CIMAP3: variants seen among roughly 807,000 people sequenced by gnomAD.
CIMAP3 encodes ciliary microtubule associated protein 3.
the CIMAP3 span, chr1:111,346,816 C>G: frequency 6.3e-7 from 1 of 1,577,806 alleles, no homozygotes; most frequent in Admixed American, 1.7e-5. Flanking sequence ...TGGGCCCTGT[C>G]CTCTGCTCAG....
At chr1:111,335,573 A>C in the CIMAP3 span, among the ~76,000 whole-genome samples, 2 of 152,236 alleles carry the variant, frequency 1.3e-5, no homozygotes, top group Non-Finnish European at 2.9e-5. Flanking sequence ...AGAGGGTCCT[A>C]CGCCCACGGA....
At chr1:111,347,899 T>TA in the CIMAP3 span, 19 of 666,062 alleles carry the variant, frequency 2.9e-5, no homozygotes, top group Non-Finnish European at 4.4e-5. Context: ...AGTAGGCATT[T>TA]AAGCAAAAGC....
chr1:111,350,231 G>A, the CIMAP3 span: 1 of 1,581,618 alleles, frequency 6.3e-7, no homozygotes, highest in Non-Finnish European at 8.7e-7. Flanking sequence ...GAGGTAATAA[G>A]ATTGGAACTT....
At chr1:111,334,155 T>C in the CIMAP3 span, among the ~76,000 whole-genome samples, 415 of 152,314 alleles carry the variant, frequency 2.7e-3, 2 homozygotes, top group Middle Eastern at 0.01. Flanking sequence ...GTAAACTGGT[T>C]TGCTTCAGAC....
At chr1:111,348,638 C>G in the CIMAP3 span, 7 of 1,596,392 alleles carry the variant, frequency 4.4e-6, no homozygotes, top group African/African-American at 1.3e-5. Flanking sequence ...AGGACACTTA[C>G]TATCCCAGGT....
the CIMAP3 span, among the ~76,000 whole-genome samples, chr1:111,326,122 A>G: frequency 1.5e-4 from 23 of 152,168 alleles, no homozygotes; most frequent in Admixed American, 5.2e-4. Flanking sequence ...GGTGTCCAGT[A>G]CTTTGAGTAT....
chr1:111,351,296 G>A, the CIMAP3 span: 13 of 1,590,468 alleles, frequency 8.2e-6, no homozygotes, highest in Admixed American at 5.6e-5. Flanking sequence ...CATCGGAACC[G>A]TGTGGCCTAC....
At chr1:111,347,827 G>A in the CIMAP3 span, 8 of 1,306,146 alleles carry the variant, frequency 6.1e-6, no homozygotes, top group African/African-American at 1.5e-5. Flanking sequence ...TTGCACAGGA[G>A]TGCAAAGGGC....
At chr1:111,351,467 T>C in the CIMAP3 span, 1 of 632,540 alleles carries the variant, frequency 1.6e-6, no homozygotes, top group Non-Finnish European at 2.6e-6. Context: ...GGCTTATAGC[T>C]GCTGTATGAG....
chr1:111,342,369 C>A, the CIMAP3 span, among the ~76,000 whole-genome samples: 1 of 152,222 alleles, frequency 6.6e-6, no homozygotes, highest in Admixed American at 6.5e-5. Context: ...AACTTTCAGG[C>A]CTTGCCTTCC....
chr1:111,334,614 A>G, the CIMAP3 span, among the ~76,000 whole-genome samples: 1 of 152,220 alleles, frequency 6.6e-6, no homozygotes, highest in Non-Finnish European at 1.5e-5. Flanking sequence ...TCAAAATAGC[A>G]GTTTTAAGGG....
At chr1:111,333,517 G>C in the CIMAP3 span, among the ~76,000 whole-genome samples, 1 of 152,150 alleles carries the variant, frequency 6.6e-6, no homozygotes, top group African/African-American at 2.4e-5. Flanking sequence ...CTCCAAACTG[G>C]GCTCAGGGCT....
chr1:111,346,531 A>G, the CIMAP3 span: 14 of 1,519,980 alleles, frequency 9.2e-6, no homozygotes, highest in South Asian at 8.6e-5. Flanking sequence ...GGACGCCCCA[A>G]CTTGCCGCGC....
chr1:111,326,923 A>G, the CIMAP3 span, among the ~76,000 whole-genome samples: 1 of 151,892 alleles, frequency 6.6e-6, no homozygotes, highest in Non-Finnish European at 1.5e-5. Flanking sequence ...CTTTTGTCCA[A>G]TTTTTAGTGA....
At chr1:111,334,997 G>A in the CIMAP3 span, among the ~76,000 whole-genome samples, 1 of 151,712 alleles carries the variant, frequency 6.6e-6, no homozygotes, top group South Asian at 2.1e-4. Context: ...GCGTGGTGGT[G>A]CACACCTGTA....
the CIMAP3 span, among the ~76,000 whole-genome samples, chr1:111,339,017 G>A: frequency 1.3e-5 from 2 of 152,236 alleles, no homozygotes; most frequent in African/African-American, 4.8e-5. Flanking sequence ...TGATCAAGTG[G>A]GCATCATCCC....
chr1:111,346,763 C>A, the CIMAP3 span: 1 of 1,551,544 alleles, frequency 6.4e-7, no homozygotes, highest in Non-Finnish European at 8.9e-7. Flanking sequence ...AAGTGCAGTT[C>A]GCCCCCCTCC....
chr1:111,339,135 C>A, the CIMAP3 span, among the ~76,000 whole-genome samples: 2 of 151,778 alleles, frequency 1.3e-5, no homozygotes, highest in Non-Finnish European at 2.9e-5. Flanking sequence ...GCAGAAAAGG[C>A]CTTTGACAAA....
At chr1:111,352,077 C>G in the CIMAP3 span, 1 of 151,898 alleles carries the variant, frequency 6.6e-6, no homozygotes, top group African/African-American at 2.4e-5. Context: ...TAGAACCTTA[C>G]AAGTCATTCT....
Sources: gnomAD v4.1 joint callset for allele counts (sites outside exome capture counted in the v4.1 genomes callset) on GRCh38, gnomAD v4.1.1 for gene constraint, MANE v1.5 for transcripts, NCBI Gene and HGNC (gene_info 2026-07-23, HGNC 2026-07-21) for gene names.